The following EAF1 variants were observed in gnomAD, a reference collection of about 807,000 sequenced individuals.
EAF1 encodes ELL-associated factor 1.
In EAF1, 19 loss-of-function variants were observed where a neutral mutation model predicts 26.6. The ratio of observed to expected loss-of-function variants is 0.71; its 90% CI spans 0.50 to 1.05. EAF1 has a LOEUF of 1.05. Among genes scored for constraint, EAF1 ranks in the 50% least tolerant of loss-of-function variants. The pLI, the probability that EAF1 is intolerant of heterozygous loss-of-function variation, is 0.00. For synonymous variants in EAF1, 102 were observed against 120.6 expected (o/e 0.85, Z 1.01); for missense variants, 260 against 335.5 (o/e 0.78, Z 1.76).
intron 5 of EAF1, 104 bp from the exon 6 acceptor site, chr3:15,439,005 G>C: frequency 9.4e-7 from 1 of 1,058,662 alleles, no homozygotes; most frequent in South Asian, 1.5e-5. Flanking sequence ...TTTTACTGTA[G>C]TGTGATAGCC....
intron 4 of EAF1, 199 bp from the exon 5 acceptor site, chr3:15,436,143 C>T: frequency 2.3e-6 from 1 of 430,922 alleles, no homozygotes; most frequent in Non-Finnish European, 4.2e-6. Flanking sequence ...TTTAATGTTT[C>T]CATTGTGTCT....
chr3:15,432,015 C>G, intron 2 of EAF1, 72 bp from the exon 3 acceptor site: 1 of 1,489,382 alleles, frequency 6.7e-7, no homozygotes. Context: ...CAGGTGGAGT[C>G]ATCTATAAAT....
rs2061855381 is a variant in EAF1, at chr3:15,439,786, A to G, written c.*631A>G. 1 of 152,278 alleles carries G rather than the reference A, an allele frequency of 6.6e-6. No homozygotes were observed. The highest frequency in any genetic ancestry group is 1.9e-4 in the East Asian group (1 of 5,202). 9.4% of individuals were successfully genotyped at this position (152,278 alleles called of 1,614,324 possible). ...TTTACAGACTAAGAAAGGGAAGTAC[A>G]CACCTGGCTTGTGGCCAGTCTCCTG... On this transcript the variant is annotated 3_prime_UTR_variant, in exon 6 of 6. Transcript: ENST00000396842.
chr3:15,439,502 A>T lies in EAF1; in HGVS notation c.*347A>T, dbSNP rs2061854113. The stretch of plus-strand genomic sequence containing the variant: ...TCACCAGGCCAGAGATTCAGTTTTA[A>T]ACCTCAGCAGCCATCAGTTTGGCCA... On this transcript the variant is annotated 3_prime_UTR_variant, in exon 6 of 6. Transcript: ENST00000396842. 1 of 198,954 alleles carries T rather than the reference A, an allele frequency of 5.0e-6. No homozygotes were observed. Among genetic ancestry groups the T allele is most frequent in the Admixed American group, 5.9e-5 (1 of 16,874 alleles). The allele number at this position is 198,954 out of a possible 1,614,324, so 12.3% of individuals were successfully genotyped here.
At chr3:15,431,996 A>G in intron 2 of EAF1, 91 bp from the exon 3 acceptor site, 1 of 1,407,066 alleles carries the variant, frequency 7.1e-7, no homozygotes, top group East Asian at 2.4e-5. Flanking sequence ...CTCTGATAAA[A>G]GATTTCATCA....
At chr3:15,431,646 T>A (rs1345815389) in intron 2 of EAF1, among the ~76,000 whole-genome samples, 2 of 152,200 alleles carry the variant, frequency 1.3e-5, no homozygotes, top group Non-Finnish European at 2.9e-5. Context: ...ATGATTTATT[T>A]ATTCTGAGCC....
chr3:15,430,127 G>A, intron 2 of EAF1, 120 bp downstream of exon 2: 1 of 778,592 alleles, frequency 1.3e-6, no homozygotes, highest in Non-Finnish European at 2.0e-6. Flanking sequence ...GGCAACTTAA[G>A]GAAAAAAGTA....
rs11322247 is a variant in EAF1 at position 15,430,021 on chromosome 3, ATT to A, written c.198+24_198+25del. On this transcript the variant is annotated intron_variant, in intron 2 of 5. Coordinates refer to ENST00000396842, the MANE Select transcript of EAF1 (RefSeq NM_033083.7). ...CCACATATCCCTGTGAGTTTATTTCATTTTTTTTTTTAATGTAAGATCACAAT... is the reference window on the plus strand; with the variant it reads ...CCACATATCCCTGTGAGTTTATTTCATTTTTTTTTAATGTAAGATCACAAT... The A allele has an allele frequency of 1.2e-3, 1,495 of 1,292,946 alleles. No individual in the cohort carries two copies. Among genetic ancestry groups the A allele is most frequent in the South Asian group, 2.8e-3 (200 of 70,198 alleles). The allele number at this position is 1,292,946 out of a possible 1,614,324, so 80.1% of individuals were successfully genotyped here. A position where few individuals can be genotyped will look rare whatever the true frequency, so the allele number is the denominator to read the frequency against.
chr3:15,434,120 A>G (rs1242033251), intron 3 of EAF1, among the ~76,000 whole-genome samples: 4 of 152,194 alleles, frequency 2.6e-5, no homozygotes, highest in African/African-American at 9.7e-5. Context: ...AGGGCAGTAA[A>G]TATTCTATTC....
intron 3 of EAF1, 123 bp downstream of exon 3, chr3:15,432,346 T>G (rs2061806947): frequency 8.3e-7 from 1 of 1,204,080 alleles, no homozygotes; most frequent in South Asian, 1.6e-5. Flanking sequence ...TAACACTACC[T>G]GTGCTCAGAC....
intron 2 of EAF1, 25 bp from the exon 3 acceptor site, chr3:15,432,062 C>T: frequency 6.2e-7 from 1 of 1,605,744 alleles, no homozygotes; most frequent in Non-Finnish European, 8.5e-7. Context: ...TTAGTTTGAT[C>T]ATCTTATACT....
In EAF1 at chr3:15,439,258, G is replaced by T; in HGVS notation, c.*103G>T. On this transcript the variant is annotated 3_prime_UTR_variant, in exon 6 of 6. Transcript: ENST00000396842. ...CAAGAGGAAAATGTTATGGATCAGT[G>T]ACTGTAGTAGGAGTTTGAGGCTCTG... 2 of 1,148,032 alleles carry T rather than the reference G, an allele frequency of 1.7e-6. No homozygotes were observed. Among genetic ancestry groups the T allele is most frequent in the Non-Finnish European group, 1.3e-6 (1 of 783,108 alleles). 71.1% of individuals were successfully genotyped at this position (1,148,032 alleles called of 1,614,324 possible).
chr3:15,430,021 A>ATTT lies in EAF1; in HGVS notation c.198+23_198+25dup. On this transcript the variant is annotated intron_variant, in intron 2 of 5. Transcript: ENST00000396842. ...CCACATATCCCTGTGAGTTTATTTC[A>ATTT]TTTTTTTTTTTAATGTAAGATCACA... 2 of 1,298,190 alleles carry ATTT rather than the reference A, an allele frequency of 1.5e-6. No individual in the cohort carries two copies. The highest frequency in any genetic ancestry group is 2.1e-6 in the Non-Finnish European group (2 of 945,944). 80.4% of individuals were successfully genotyped at this position (1,298,190 alleles called of 1,614,324 possible).
intron 2 of EAF1, among the ~76,000 whole-genome samples, chr3:15,430,604 C>T (rs2125064395): frequency 6.6e-6 from 1 of 152,296 alleles, no homozygotes; most frequent in East Asian, 1.9e-4. Context: ...GACAGAAAAG[C>T]CCTAGGTGCC....
rs1398575862 is a variant in EAF1 at position 15,440,801 on chromosome 3, A to AC, written c.*1647dup. The AC allele has an allele frequency of 2.0e-5, 3 of 152,584 alleles. No homozygotes were observed. Among genetic ancestry groups the AC allele is most frequent in the Non-Finnish European group, 4.4e-5 (3 of 68,054 alleles). The allele number at this position is 152,584 out of a possible 1,614,324, so 9.5% of individuals were successfully genotyped here. Reference sequence around the variant, plus strand: ...TTGGTGGATTTAATGGCAGGTAGGAACTTATTTATAGTGGATTGATAATTG... The same window carrying AC: ...TTGGTGGATTTAATGGCAGGTAGGAACCTTATTTATAGTGGATTGATAATTG... On this transcript the variant is annotated 3_prime_UTR_variant, in exon 6 of 6. Coordinates refer to ENST00000396842, the MANE Select transcript of EAF1 (RefSeq NM_033083.7).
chr3:15,434,849 G>A (rs942593611), intron 4 of EAF1, among the ~76,000 whole-genome samples: 2 of 152,170 alleles, frequency 1.3e-5, no homozygotes, highest in Admixed American at 6.5e-5. Flanking sequence ...CTAAGGCTTC[G>A]GAGAAAGAAA....
chr3:15,432,010 G>T, intron 2 of EAF1, 77 bp from the exon 3 acceptor site: 1 of 1,468,072 alleles, frequency 6.8e-7, no homozygotes. Context: ...TTCATCAGGT[G>T]GAGTCATCTA....
intron 4 of EAF1, 41 bp from the exon 5 acceptor site, chr3:15,436,301 A>G: frequency 1.3e-6 from 2 of 1,495,134 alleles, no homozygotes; most frequent in Non-Finnish European, 1.8e-6. Flanking sequence ...CTGCCTTGAA[A>G]AGGGCTGCTG....
intron 3 of EAF1, 56 bp downstream of exon 3, chr3:15,432,279 T>G: frequency 6.3e-7 from 1 of 1,596,834 alleles, no homozygotes; most frequent in South Asian, 1.1e-5. Flanking sequence ...CTGTTATCTA[T>G]TCAGTTTTTA....
Sources: allele counts gnomAD v4.1 joint callset (sites outside exome capture counted in the v4.1 genomes callset), GRCh38; gene constraint gnomAD v4.1.1; transcripts MANE v1.5; gene names NCBI Gene and HGNC (gene_info 2026-07-23, HGNC 2026-07-21).